RPS6KA5: variants seen among roughly 807,000 people sequenced by gnomAD.
The protein encoded by RPS6KA5 is ribosomal protein S6 kinase alpha-5.
RPS6KA5 carries 27 observed loss-of-function variants against 85.5 expected under a neutral mutation model. The ratio of observed to expected loss-of-function variants is 0.32; its 90% CI spans 0.23 to 0.44. The LOEUF (loss-of-function observed/expected upper bound fraction) is 0.44, where lower values mean the gene tolerates loss of function less well. Ranked by LOEUF, RPS6KA5 falls within the 20% of genes least tolerant of loss-of-function variation. The pLI is 1.00. For missense variants in RPS6KA5, 811 were observed against 980.9 expected (o/e 0.83, Z 2.31); for synonymous variants, 334 against 348.2 (o/e 0.96, Z 0.46).
At chr14:90,950,904 T>C (rs1467121882) in intron 3 of RPS6KA5, among the ~76,000 whole-genome samples, 2 of 151,282 alleles carry the variant, frequency 1.3e-5, no homozygotes, top group Admixed American at 6.6e-5. Flanking sequence ...GCGGATCACT[T>C]GACGTCATGG....
chr14:90,851,045 ATTTTTT>A lies in RPS6KA5; in HGVS notation c.*21023_*21028del, dbSNP rs199608256. On this transcript the variant is annotated 3_prime_UTR_variant, in exon 17 of 17. Coordinates refer to ENST00000614987, the MANE Select transcript of RPS6KA5 (RefSeq NM_004755.4). The stretch of plus-strand genomic sequence containing the variant: ...AAGTGGGTAAAGATACTTTTATTTT[ATTTTTT>A]TTTTGAGACAGAGTCTCACTCTGCC... The A allele has an allele frequency of 6.7e-6, 1 of 149,876 alleles. No homozygotes were observed. The highest frequency in any genetic ancestry group is 1.5e-5 in the Non-Finnish European group (1 of 67,318). 9.3% of individuals were successfully genotyped at this position (149,876 alleles called of 1,614,324 possible).
At chr14:90,922,426 GC>G (rs1414066896) in intron 6 of RPS6KA5, among the ~76,000 whole-genome samples, 1 of 152,078 alleles carries the variant, frequency 6.6e-6, no homozygotes, top group Non-Finnish European at 1.5e-5. Context: ...ATCCTAAAAG[GC>G]CAGGGTCTCA....
intron 1 of RPS6KA5, among the ~76,000 whole-genome samples, chr14:91,058,559 T>C (rs1031571509): frequency 6.6e-6 from 1 of 152,158 alleles, no homozygotes; most frequent in Admixed American, 6.5e-5. Context: ...TATAAATCAG[T>C]GGATCGTTAT....
chr14:91,058,704 G>A (rs2043437705), intron 1 of RPS6KA5, among the ~76,000 whole-genome samples: 2 of 152,150 alleles, frequency 1.3e-5, no homozygotes, highest in African/African-American at 4.8e-5. Flanking sequence ...ATGAAATTGA[G>A]AGAAGAAAAA....
intron 7 of RPS6KA5, among the ~76,000 whole-genome samples, chr14:90,918,838 C>T (rs925065991): frequency 1.3e-4 from 20 of 152,304 alleles, no homozygotes; most frequent in Admixed American, 3.9e-4. Context: ...TCTATCCTGA[C>T]ACCAATATCA....
At chr14:91,043,312 CCTA>C (rs2139898400) in intron 1 of RPS6KA5, among the ~76,000 whole-genome samples, 1 of 152,296 alleles carries the variant, frequency 6.6e-6, no homozygotes, top group Admixed American at 6.5e-5. Context: ...GATGATCTAA[CCTA>C]CTACCTTGGC....
intron 15 of RPS6KA5, 134 bp from the exon 16 acceptor site, chr14:90,873,929 T>C: frequency 1.5e-6 from 1 of 648,050 alleles, no homozygotes; most frequent in Non-Finnish European, 2.5e-6. Flanking sequence ...ACAAAGATAA[T>C]TAGATTTTCC....
intron 1 of RPS6KA5, among the ~76,000 whole-genome samples, chr14:91,038,641 A>T (rs2042489141): frequency 6.6e-6 from 1 of 152,184 alleles, no homozygotes; most frequent in Non-Finnish European, 1.5e-5. Context: ...AACCAACAAT[A>T]TGACACAGCA....
intron 8 of RPS6KA5, among the ~76,000 whole-genome samples, chr14:90,903,837 G>C (rs2035327716): frequency 1.3e-5 from 2 of 152,000 alleles, no homozygotes. Flanking sequence ...TTAATCATAA[G>C]AATATAAGAT....
chr14:90,914,142 T>G (rs557625759), intron 7 of RPS6KA5, among the ~76,000 whole-genome samples: 2 of 151,844 alleles, frequency 1.3e-5, no homozygotes, highest in African/African-American at 2.4e-5. Flanking sequence ...GAGAACTGGC[T>G]GGGGTGGTGC....
intron 13 of RPS6KA5, among the ~76,000 whole-genome samples, chr14:90,893,812 T>A (rs1566702872): frequency 6.6e-6 from 1 of 152,132 alleles, no homozygotes; most frequent in Admixed American, 6.6e-5. Context: ...GGGATCATTC[T>A]AAGAGTTAGA....
At chr14:91,016,442 A>G (rs2041500734) in intron 1 of RPS6KA5, among the ~76,000 whole-genome samples, 1 of 152,110 alleles carries the variant, frequency 6.6e-6, no homozygotes, top group South Asian at 2.1e-4. Context: ...ATTCAAAATA[A>G]CCCTTTGTTC....
At chr14:91,023,082 TAAAA>T (rs368649949) in intron 1 of RPS6KA5, among the ~76,000 whole-genome samples, 1 of 96,470 alleles carries the variant, frequency 1.0e-5, no homozygotes, top group Non-Finnish European at 1.9e-5. Flanking sequence ...AAACTCTATC[TAAAA>T]AAAAAAAAAA....
chr14:90,907,335 A>G (rs1460486120), intron 7 of RPS6KA5, among the ~76,000 whole-genome samples: 1 of 152,180 alleles, frequency 6.6e-6, no homozygotes, highest in Non-Finnish European at 1.5e-5. Flanking sequence ...CTCTGCCTTG[A>G]CCTTGTGTGA....
intron 5 of RPS6KA5, 72 bp from the exon 6 acceptor site, chr14:90,923,268 C>T: frequency 8.3e-7 from 1 of 1,202,638 alleles, no homozygotes; most frequent in East Asian, 2.3e-5. Context: ...GAAAGTAATA[C>T]ATGTTAGTGG....
chr14:90,871,657 TA>T lies in RPS6KA5; in HGVS notation c.*416del. 1 of 154,528 alleles carries T rather than the reference TA, an allele frequency of 6.5e-6. No homozygotes were observed. Among genetic ancestry groups the T allele is most frequent in the Admixed American group, 6.4e-5 (1 of 15,572 alleles). 9.6% of individuals were successfully genotyped at this position (154,528 alleles called of 1,614,324 possible). A position where few individuals can be genotyped will look rare whatever the true frequency, so the allele number is the denominator to read the frequency against. On this transcript the variant is annotated 3_prime_UTR_variant, in exon 17 of 17. Coordinates refer to ENST00000614987, the MANE Select transcript of RPS6KA5 (RefSeq NM_004755.4). ...TTTGAAAACAGACCCCTTTCTCTGA[TA>T]AATCATTGTTTGAAGGGTGCAAATT...
chr14:90,914,391 T>C (rs1049526950), intron 7 of RPS6KA5, among the ~76,000 whole-genome samples: 1 of 133,460 alleles, frequency 7.5e-6, no homozygotes, highest in African/African-American at 2.7e-5. Context: ...CTCGGCTCAC[T>C]GCAACCTCCG....
rs955288773 is a variant in RPS6KA5, at chr14:90,891,663, A to T, written c.1645-985T>A. ...ATTATAGATGGTATCACTGATGCAAAGAAGAAAAATCTCCTAAGTCTTCCA... is the reference window on the plus strand; with the variant it reads ...ATTATAGATGGTATCACTGATGCAATGAAGAAAAATCTCCTAAGTCTTCCA... On this transcript the variant is annotated intron_variant, in intron 13 of 16. Transcript: ENST00000614987. Among the ~76,000 whole-genome samples, 39 of 152,350 alleles carry T rather than the reference A, an allele frequency of 2.6e-4. 1 individual carries two copies. Among genetic ancestry groups the T allele is most frequent in the Admixed American group, 2.3e-3 (35 of 15,308 alleles).
chr14:90,970,182 T>G (rs994012453), intron 3 of RPS6KA5, among the ~76,000 whole-genome samples: 1 of 152,248 alleles, frequency 6.6e-6, no homozygotes, highest in African/African-American at 2.4e-5. Flanking sequence ...GCATTTCAGC[T>G]TATCAAAATC....
Sources: allele counts gnomAD v4.1 joint callset (sites outside exome capture counted in the v4.1 genomes callset), GRCh38; gene constraint gnomAD v4.1.1; transcripts MANE v1.5; gene names NCBI Gene and HGNC (gene_info 2026-07-23, HGNC 2026-07-21).